Variants in ZFYVE19 observed in about 807,000 individuals in gnomAD.
ZFYVE19 encodes abscission/NoCut checkpoint regulator.
A neutral mutation model predicts 62.8 loss-of-function variants in ZFYVE19; 49 were observed. That is an observed-to-expected ratio of 0.78 (90% confidence interval 0.62 to 0.99). ZFYVE19 has a LOEUF of 0.99. ZFYVE19 is among the 50% of genes least tolerant of loss of function. The pLI is 0.00. For synonymous variants in ZFYVE19, 242 were observed against 234.3 expected (o/e 1.03, Z -0.30); for missense variants, 630 against 601.9 (o/e 1.05, Z -0.49).
At chr15:40,813,883 C>T in intron 9 of ZFYVE19, 60 bp from the exon 10 acceptor site, 1 of 1,592,556 alleles carries the variant, frequency 6.3e-7, no homozygotes, top group Non-Finnish European at 8.6e-7. Flanking sequence ...ACTGCTCCTG[C>T]AGCAGCTCAC....
In ZFYVE19 at chr15:40,810,152, A is replaced by G. The variant is rs759528029; in HGVS notation, c.653A>G (p.Gln218Arg). The G allele has an allele frequency of 1.2e-6, 2 of 1,614,146 alleles. No homozygotes were observed. The highest frequency in any genetic ancestry group is 1.7e-6 in the Non-Finnish European group (2 of 1,180,036). ...DERQGSIPSTQEMEARLAALQ... is the reference protein window; with the variant it reads ...DERQGSIPSTREMEARLAALQ... ...CGTCAGGGTTCCATCCCTTCCACCCAGGAAATGGAGGCACGACTTGCAGCG... is the reference window on the plus strand; with the variant it reads ...CGTCAGGGTTCCATCCCTTCCACCCGGGAAATGGAGGCACGACTTGCAGCG... The change falls in exon 5 of 11, where the codon CAG becomes CGG. Residue 218 changes from glutamine to arginine, a missense_variant. Gln to Arg is a conservative substitution (Grantham distance 43). Transcript: ENST00000355341.
In ZFYVE19 at chr15:40,814,231, AC is replaced by A. The variant is rs1407806973; in HGVS notation, c.*8del. ...CGTGCAGGCCAAGAGCACTGAAGAC[AC>A]CCTGGTCCTCCCGGAAGGGCAGTCC... On this transcript the variant is annotated 3_prime_UTR_variant, in exon 11 of 11. Transcript: ENST00000355341. 6.2e-7 allele frequency: 1 copy of A among 1,613,900 alleles called. No individual in the cohort carries two copies. Among genetic ancestry groups the A allele is most frequent in the South Asian group, 1.1e-5 (1 of 91,056 alleles).
chr15:40,809,726 C>T, intron 3 of ZFYVE19, 126 bp from the exon 4 acceptor site: 1 of 1,058,212 alleles, frequency 9.4e-7, no homozygotes, highest in Non-Finnish European at 1.4e-6. Flanking sequence ...AGGGGCACAG[C>T]AGATTGCCCA....
At chr15:40,810,043 T>C in intron 4 of ZFYVE19, 28 bp from the exon 5 acceptor site, 1 of 1,614,142 alleles carries the variant, frequency 6.2e-7, no homozygotes, top group Non-Finnish European at 8.5e-7. Context: ...CTCTGGCCCT[T>C]ACAAGGCTCC....
intron 6 of ZFYVE19, among the ~76,000 whole-genome samples, chr15:40,812,438 C>A (rs1890515643): frequency 6.6e-6 from 1 of 151,014 alleles, no homozygotes; most frequent in Admixed American, 6.6e-5. Flanking sequence ...CCCAGTTACT[C>A]AGGAGGCTGA....
chr15:40,810,937 A>G, intron 6 of ZFYVE19, 180 bp downstream of exon 6: 1 of 720,624 alleles, frequency 1.4e-6, no homozygotes, highest in Non-Finnish European at 2.2e-6. Context: ...GTTTAAGTGC[A>G]CGGGCTTTAG....
rs750218414 is a variant in ZFYVE19, at chr15:40,807,863, AAGG to A, written c.278_279+1del. 7.4e-5 allele frequency: 113 copies of A among 1,535,074 alleles called. No homozygotes were observed. Among genetic ancestry groups the A allele is most frequent in the Admixed American group, 1.0e-4 (5 of 50,190 alleles). Reference sequence around the variant, plus strand: ...CGCTGTCAAGTTCACCCTCTTCAAGAAGGAGGCGAGTCTTCCCTCCCCGAGGGC... The same window carrying A: ...CGCTGTCAAGTTCACCCTCTTCAAGAAGGCGAGTCTTCCCTCCCCGAGGGC... On this transcript the variant is annotated inframe_deletion and splice_region_variant, in exon 1 of 11. Coordinates refer to ENST00000355341, the MANE Select transcript of ZFYVE19 (RefSeq NM_001077268.2).
Position 40,813,703 on chromosome 15 carries a change from C to T in ZFYVE19, c.1111-10C>T, listed in dbSNP as rs1596120059. On this transcript the variant is annotated splice_polypyrimidine_tract_variant and intron_variant, in intron 8 of 10. Coordinates refer to ENST00000355341, the MANE Select transcript of ZFYVE19 (RefSeq NM_001077268.2). The stretch of plus-strand genomic sequence containing the variant: ...AGCAGGGGAGTAGTACATCTTCACC[C>T]TGTCCGCAGCTCACTGAAGAAGCTT... 6.2e-7 allele frequency: 1 copy of T among 1,610,806 alleles called. No homozygotes were observed. The highest frequency in any genetic ancestry group is 2.2e-5 in the East Asian group (1 of 44,866).
rs539571010 is a variant in ZFYVE19, at chr15:40,807,630, C to T, written c.41C>T (p.Pro14Leu). 7 of 1,612,694 alleles carry T rather than the reference C, an allele frequency of 4.3e-6. No individual in the cohort carries two copies. The highest frequency in any genetic ancestry group is 1.7e-5 in the Admixed American group (1 of 59,932). The change falls in exon 1 of 11, where the codon CCG becomes CTG. Residue 14 changes from proline to leucine, a missense_variant. Physicochemically the swap from Pro to Leu is moderately conservative, Grantham distance 98. Coordinates refer to ENST00000355341, the MANE Select transcript of ZFYVE19 (RefSeq NM_001077268.2). ...CAGCAGCCCCCGTTGCCGCCGCTGC[C>T]GTACGCTGGCTGCAGGAGAGCGTCC... ...DSQQPPLPPLPYAGCRRASGF... is the reference protein window; with the variant it reads ...DSQQPPLPPLLYAGCRRASGF...
At chr15:40,808,199 G>A in intron 1 of ZFYVE19, 1 of 1,587,486 alleles carries the variant, frequency 6.3e-7, no homozygotes, top group Non-Finnish European at 8.5e-7. Context: ...GAAGCGCGGT[G>A]TCCATCACAC....
At chr15:40,810,364 C>G (rs890238085) in intron 5 of ZFYVE19, 148 bp downstream of exon 5, 2 of 1,379,776 alleles carry the variant, frequency 1.4e-6, no homozygotes, top group Non-Finnish European at 1.9e-6. Context: ...TTGCACCAAC[C>G]TTTGTACTTT....
At position 40,810,090 on chromosome 15, in the gene ZFYVE19, A is replaced by G; in HGVS notation, c.591A>G (p.Ala197=). ...TTGCAGAGTTAGTCCCCTCACAGGC[A>G]GAGATAGAGGCACGGCTGGCTGCCC... is the stretch of plus-strand genomic sequence containing the variant. The part of the protein sequence containing the change: ...ENKPKLVPSQ[A]EIEARLAALK... The change falls in exon 5 of 11, where the codon GCA becomes GCG. Residue 197 remains alanine (A), a synonymous_variant. Transcript: ENST00000355341. 6.2e-7 allele frequency: 1 copy of G among 1,614,176 alleles called. No homozygotes were observed. The highest frequency in any genetic ancestry group is 8.5e-7 in the Non-Finnish European group (1 of 1,180,038).
intron 1 of ZFYVE19, chr15:40,808,893 A>G (rs1194237802): frequency 5.8e-6 from 3 of 514,226 alleles, no homozygotes; most frequent in Admixed American, 6.7e-5. Flanking sequence ...ACAGGGTAGA[A>G]AGCATGGGAA....
At chr15:40,812,586 AAAG>A (rs1890526558) in intron 6 of ZFYVE19, 110 bp from the exon 7 acceptor site, 1 of 310,732 alleles carries the variant, frequency 3.2e-6, no homozygotes, top group Middle Eastern at 1.0e-3. Flanking sequence ...AGAAAGAAAG[AAAG>A]AAAAAATTAT....
intron 6 of ZFYVE19, 185 bp downstream of exon 6, chr15:40,810,942 CT>C: frequency 1.5e-6 from 1 of 684,126 alleles, no homozygotes; most frequent in Non-Finnish European, 2.3e-6. Flanking sequence ...AGTGCACGGG[CT>C]TTAGAATCAG....
At chr15:40,811,518 T>G (rs1300537486) in intron 6 of ZFYVE19, among the ~76,000 whole-genome samples, 1 of 152,170 alleles carries the variant, frequency 6.6e-6, no homozygotes, top group African/African-American at 2.4e-5. Context: ...CGGTCCAAAG[T>G]GTCAAGAGAA....
rs1890605304 is a variant in ZFYVE19 at position 40,814,345 on chromosome 15, T to A, written c.*119T>A. On this transcript the variant is annotated 3_prime_UTR_variant, in exon 11 of 11. Coordinates refer to ENST00000355341, the MANE Select transcript of ZFYVE19 (RefSeq NM_001077268.2). ...GCTCTACTGATGATGGATAGGCCCC[T>A]TCCTGAGCCTTGGTGTCCCTGGAAT... 8.9e-7 allele frequency: 1 copy of A among 1,123,730 alleles called. No individual in the cohort carries two copies. The highest frequency in any genetic ancestry group is 2.1e-5 in the Admixed American group (1 of 46,830). 69.6% of individuals were successfully genotyped at this position (1,123,730 alleles called of 1,614,324 possible). A position where few individuals can be genotyped will look rare whatever the true frequency, so the allele number is the denominator to read the frequency against.
intron 1 of ZFYVE19, chr15:40,808,841 T>G (rs918330679): frequency 5.0e-5 from 19 of 382,018 alleles, no homozygotes; most frequent in African/African-American, 3.9e-4. Context: ...ATACTGGGCT[T>G]TATCTATCTG....
rs952202122 is a variant in ZFYVE19, at chr15:40,812,867, G to A, written c.995G>A (p.Arg332Gln). ...GAACGGATTCTGGCCCTGGCCAAGC[G>A]ACTAGCCATGCTGCGGGGACAGGAC... ...RQERILALAK[R>Q]LAMLRGQDPE... Residue 332 changes from arginine to glutamine, a missense_variant, in exon 7 of 11, where the codon CGA becomes CAA. Physicochemically the swap from Arg to Gln is conservative, Grantham distance 43 (BLOSUM62 1). Transcript: ENST00000355341. 9 of 1,612,974 alleles carry A rather than the reference G, an allele frequency of 5.6e-6. No individual in the cohort carries two copies. Among genetic ancestry groups the A allele is most frequent in the African/African-American group, 2.7e-5 (2 of 74,940 alleles).
Sources: gnomAD v4.1 joint callset for allele counts (sites outside exome capture counted in the v4.1 genomes callset) on GRCh38, gnomAD v4.1.1 for gene constraint, MANE v1.5 for transcripts, NCBI Gene and HGNC (gene_info 2026-07-23, HGNC 2026-07-21) for gene names.